The following KCNJ10 variants were observed in gnomAD, a reference collection of about 807,000 sequenced individuals.
KCNJ10 encodes potassium inwardly rectifying channel subfamily J member 10, also known as ATP-sensitive inward rectifier potassium channel 10.
In KCNJ10, 9 loss-of-function variants were observed where a neutral mutation model predicts 22.2. That is an observed-to-expected ratio of 0.40 (90% CI 0.24 to 0.71). The LOEUF (loss-of-function observed/expected upper bound fraction) is 0.71, where lower values mean the gene tolerates loss of function less well. KCNJ10 is among the 30% of genes least tolerant of loss of function. The pLI, the probability that KCNJ10 is intolerant of heterozygous loss-of-function variation, is 0.35. For synonymous variants in KCNJ10, 184 were observed against 187.3 expected (o/e 0.98, Z 0.15); for missense variants, 337 against 482.7 (o/e 0.70, Z 2.83).
At chr1:160,067,177 C>G (rs1169864894) in intron 1 of KCNJ10, among the ~76,000 whole-genome samples, 1 of 152,162 alleles carries the variant, frequency 6.6e-6, no homozygotes, top group African/African-American at 2.4e-5. Flanking sequence ...CCCCTCCCTT[C>G]CCCCACCACC....
intron 1 of KCNJ10, chr1:160,062,427 CCCTGTCCCACAG>C (rs2101935104): frequency 6.6e-6 from 1 of 152,504 alleles, no homozygotes; most frequent in South Asian, 2.1e-4. Flanking sequence ...TCAGCCCTCT[CCCTGTCCCACAG>C]CCGAGGGGCG....
chr1:160,049,675 TTATA>T (rs57790887), intron 1 of KCNJ10, among the ~76,000 whole-genome samples: 5,307 of 46,402 alleles, frequency 0.11, 184 homozygotes, highest in Non-Finnish European at 0.14. Context: ...TTTTATTTAT[TTATA>T]TATATATATA....
chr1:160,069,721 A>T (rs1414867383), intron 1 of KCNJ10, among the ~76,000 whole-genome samples: 2 of 152,158 alleles, frequency 1.3e-5, no homozygotes, highest in African/African-American at 4.8e-5. Context: ...TTGTCACTGT[A>T]TTAACTAGAG....
rs1370588410 is a variant in KCNJ10, at chr1:160,038,361, C to T, written c.*3032G>A. The T allele has an allele frequency of 2.0e-5, 3 of 152,136 alleles. No individual in the cohort carries two copies. The highest frequency in any genetic ancestry group is 4.4e-5 in the Non-Finnish European group (3 of 68,028). 9.4% of individuals were successfully genotyped at this position (152,136 alleles called of 1,614,324 possible). A position where few individuals can be genotyped will look rare whatever the true frequency, so the allele number is the denominator to read the frequency against. On this transcript the variant is annotated 3_prime_UTR_variant, in exon 2 of 2. Transcript: ENST00000644903. ...GTAAGTGGTAGATTTTCCAAGACTT[C>T]CCCTCCCTATTGTCCTCCGAGTTCC... is the stretch of plus-strand genomic sequence containing the variant.
chr1:160,054,014 C>T (rs1281132626), intron 1 of KCNJ10, among the ~76,000 whole-genome samples: 2 of 152,150 alleles, frequency 1.3e-5, no homozygotes, highest in African/African-American at 4.8e-5. Context: ...AATCCCCAAG[C>T]GGTGCCTTCT....
At chr1:160,057,527 G>A (rs886282352) in intron 1 of KCNJ10, among the ~76,000 whole-genome samples, 1 of 152,226 alleles carries the variant, frequency 6.6e-6, no homozygotes, top group South Asian at 2.1e-4. Context: ...GCAAGTGTGT[G>A]CTGAAGACTG....
rs546399001 is a variant in KCNJ10 at position 160,059,476 on chromosome 1, T to A, written c.-1+10546A>T. ...TTTTCCTCACCCTGGGGTCCAAAAGTGCCAGTTTCTGTGGAGCCAACCTTG... is the reference window on the plus strand; with the variant it reads ...TTTTCCTCACCCTGGGGTCCAAAAGAGCCAGTTTCTGTGGAGCCAACCTTG... On this transcript the variant is annotated intron_variant, in intron 1 of 1. Transcript: ENST00000644903. Among the ~76,000 whole-genome samples, 5 of 152,286 alleles carry A rather than the reference T, an allele frequency of 3.3e-5. No homozygotes were observed. In the South Asian group the frequency reaches 1.0e-3, roughly 32 times the overall value.
At chr1:160,061,498 C>A (rs951102070) in intron 1 of KCNJ10, among the ~76,000 whole-genome samples, 1 of 152,000 alleles carries the variant, frequency 6.6e-6, no homozygotes, top group Non-Finnish European at 1.5e-5. Flanking sequence ...GCCTGGCCCA[C>A]CTAACTGCTT....
At chr1:160,049,486 A>C (rs1648824865) in intron 1 of KCNJ10, among the ~76,000 whole-genome samples, 1 of 151,314 alleles carries the variant, frequency 6.6e-6, no homozygotes, top group Non-Finnish European at 1.5e-5. Context: ...TCCAGTTCAA[A>C]TAACCCCTCT....
At chr1:160,047,675 C>T (rs1166359575) in intron 1 of KCNJ10, among the ~76,000 whole-genome samples, 1 of 152,220 alleles carries the variant, frequency 6.6e-6, no homozygotes, top group Non-Finnish European at 1.5e-5. Context: ...CTGTCCCTCC[C>T]ATCCCTGCCC....
chr1:160,041,237 A>G lies in KCNJ10; in HGVS notation c.*156T>C. On this transcript the variant is annotated 3_prime_UTR_variant, in exon 2 of 2. Coordinates refer to ENST00000644903, the MANE Select transcript of KCNJ10 (RefSeq NM_002241.5). The surrounding 1 kb of genome is among the most constrained non-coding windows in gnomAD (Gnocchi z 4.4). ...ACAGTGGGAGGCGAACCTGGACTCC[A>G]GTTGGCCTAAGCTACCAACAGGCCA... 1 of 724,022 alleles carries G rather than the reference A, an allele frequency of 1.4e-6. No homozygotes were observed. Among genetic ancestry groups the G allele is most frequent in the South Asian group, 1.7e-5 (1 of 60,248 alleles). The allele number at this position is 724,022 out of a possible 1,614,324, so 44.8% of individuals were successfully genotyped here.
At chr1:160,057,522 T>C (rs185913031) in intron 1 of KCNJ10, among the ~76,000 whole-genome samples, 35 of 152,292 alleles carry the variant, frequency 2.3e-4, no homozygotes, top group Non-Finnish European at 3.2e-4. Flanking sequence ...GGTGGGCAAG[T>C]GTGTGCTGAA....
chr1:160,047,666 T>C (rs1410575215), intron 1 of KCNJ10, among the ~76,000 whole-genome samples: 1 of 152,206 alleles, frequency 6.6e-6, no homozygotes, highest in Admixed American at 6.5e-5. Flanking sequence ...TCATCTTCTC[T>C]GTCCCTCCCA....
chr1:160,051,624 G>C (rs1207461691), intron 1 of KCNJ10, among the ~76,000 whole-genome samples: 3 of 152,064 alleles, frequency 2.0e-5, no homozygotes, highest in Non-Finnish European at 4.4e-5. Context: ...GTGGAGGTTA[G>C]CAGGAGCCAG....
Position 160,041,917 on chromosome 1 carries a change from T to C in KCNJ10, c.616A>G (p.Ser206Gly). 1 of 1,613,918 alleles carries C rather than the reference T, an allele frequency of 6.2e-7. No homozygotes were observed. Among genetic ancestry groups the C allele is most frequent in the Non-Finnish European group, 8.5e-7 (1 of 1,179,822 alleles). The change falls in exon 2 of 2, where the codon AGC (serine) becomes GGC (glycine). Residue 206 changes from serine (S) to glycine (G), a missense_variant. Coordinates refer to ENST00000644903, the MANE Select transcript of KCNJ10 (RefSeq NM_002241.5). This position sits in a 1 kb window ranked among gnomAD's most constrained non-coding sequence, Gnocchi z 4.4. ...LMIRVANMRK[S>G]LLIGCQVTGK... ...GTCACCTGGCAGCCAATGAGGAGGC[T>C]TTTGCGCATATTGGCAACTCGGATC... is the stretch of plus-strand genomic sequence containing the variant.
At position 160,038,348 on chromosome 1, in the gene KCNJ10, T is replaced by C. The variant is rs554356720; in HGVS notation, c.*3045A>G. On this transcript the variant is annotated 3_prime_UTR_variant, in exon 2 of 2. Coordinates refer to ENST00000644903, the MANE Select transcript of KCNJ10 (RefSeq NM_002241.5). ...GGGGACACACAGTGTAAGTGGTAGA[T>C]TTTCCAAGACTTCCCCTCCCTATTG... The C allele has an allele frequency of 6.6e-6, 1 of 152,318 alleles. No homozygotes were observed. Among genetic ancestry groups the C allele is most frequent in the South Asian group, 2.1e-4 (1 of 4,832 alleles). The allele number at this position is 152,318 out of a possible 1,614,324, so 9.4% of individuals were successfully genotyped here.
chr1:160,055,662 G>T (rs1026550131), intron 1 of KCNJ10, among the ~76,000 whole-genome samples: 6 of 152,124 alleles, frequency 3.9e-5, no homozygotes, highest in African/African-American at 1.4e-4. Context: ...ACACTGCATG[G>T]GTTGTGAACA....
In KCNJ10 at chr1:160,039,024, T is replaced by C. The variant is rs1648541921; in HGVS notation, c.*2369A>G. 6.6e-6 allele frequency: 1 copy of C among 152,662 alleles called. No individual in the cohort carries two copies. The highest frequency in any genetic ancestry group is 2.1e-4 in the South Asian group (1 of 4,828). The allele number at this position is 152,662 out of a possible 1,614,324, so 9.5% of individuals were successfully genotyped here. A position where few individuals can be genotyped will look rare whatever the true frequency, so the allele number is the denominator to read the frequency against. On this transcript the variant is annotated 3_prime_UTR_variant, in exon 2 of 2. Transcript: ENST00000644903. The stretch of plus-strand genomic sequence containing the variant: ...ACCTGGCTGCTTCTAAAGCTCGGCC[T>C]ATTGCCTAAAAGAGGATTTCAGGTC...
intron 1 of KCNJ10, among the ~76,000 whole-genome samples, chr1:160,056,743 A>G (rs983594157): frequency 2.6e-5 from 4 of 152,176 alleles, no homozygotes; most frequent in African/African-American, 7.2e-5. Flanking sequence ...TTGGTTAGTA[A>G]AGAGGGAGGA....
Sources: allele counts gnomAD v4.1 joint callset (sites outside exome capture counted in the v4.1 genomes callset), GRCh38; gene constraint gnomAD v4.1.1; non-coding constraint Gnocchi (gnomAD v3.1); transcripts MANE v1.5; gene names NCBI Gene and HGNC (gene_info 2026-07-23, HGNC 2026-07-21).